The following TENM2 variants were observed in gnomAD, a reference collection of about 807,000 sequenced individuals.
The protein encoded by TENM2 is teneurin transmembrane protein 2.
TENM2 carries 52 observed loss-of-function variants against 245.2 expected under a neutral mutation model. The observed-to-expected ratio is 0.21, with a 90% CI of 0.17 to 0.27. The LOEUF is 0.27. Among genes scored for constraint, TENM2 ranks in the 10% least tolerant of loss-of-function variants. The pLI is 1.00. For synonymous variants in TENM2, 1,363 were observed against 1,438.9 expected (o/e 0.95, Z 1.19); for missense variants, 3,046 against 3,666.8 (o/e 0.83, Z 4.37).
At chr5:168,214,764 G>A in intron 20 of TENM2, 1 of 536,976 alleles carries the variant, frequency 1.9e-6, no homozygotes, top group South Asian at 1.5e-5. Flanking sequence ...CAGGATCGGA[G>A]TGGGAGCTCT....
At chr5:168,166,532 C>T (rs942566524) in intron 13 of TENM2, among the ~76,000 whole-genome samples, 5 of 152,038 alleles carry the variant, frequency 3.3e-5, no homozygotes, top group African/African-American at 4.8e-5. Flanking sequence ...CTTCAGCATG[C>T]AGCAAAACCA....
At chr5:167,074,551 A>T in the TENM2 span, among the ~76,000 whole-genome samples, 2 of 152,230 alleles carry the variant, frequency 1.3e-5, no homozygotes, top group Non-Finnish European at 2.9e-5. Flanking sequence ...AAATGAGATG[A>T]TGCAATAAAG....
At chr5:167,424,913 C>T (rs891295597) in intron 2 of TENM2, among the ~76,000 whole-genome samples, 3 of 152,178 alleles carry the variant, frequency 2.0e-5, no homozygotes, top group African/African-American at 7.2e-5. Context: ...TCATAATCTA[C>T]AGCAAAAATC....
intron 2 of TENM2, among the ~76,000 whole-genome samples, chr5:167,856,455 C>CTTG (rs1291133145): frequency 6.6e-6 from 1 of 152,152 alleles, no homozygotes; most frequent in African/African-American, 2.4e-5. Context: ...AAATATTACA[C>CTTG]TTGTTATAAT....
At chr5:167,574,773 C>T (rs1374415893) in intron 2 of TENM2, among the ~76,000 whole-genome samples, 1 of 152,052 alleles carries the variant, frequency 6.6e-6, no homozygotes, top group Non-Finnish European at 1.5e-5. Flanking sequence ...TTACCAGTCT[C>T]GAGTCGGAAC....
At chr5:167,481,700 A>T (rs1767768720) in intron 2 of TENM2, among the ~76,000 whole-genome samples, 1 of 152,208 alleles carries the variant, frequency 6.6e-6, no homozygotes, top group Non-Finnish European at 1.5e-5. Flanking sequence ...ACAGATGGAC[A>T]TTTACAATAA....
intron 2 of TENM2, among the ~76,000 whole-genome samples, chr5:167,434,586 A>G (rs115195526): frequency 0.026 from 3,999 of 152,178 alleles, 91 homozygotes; most frequent in Non-Finnish European, 0.043. Flanking sequence ...TTTTTATTCA[A>G]TTATGGAGCT....
the TENM2 span, among the ~76,000 whole-genome samples, chr5:167,034,479 A>T: frequency 6.6e-6 from 1 of 151,684 alleles, no homozygotes; most frequent in East Asian, 1.9e-4. Flanking sequence ...AAATACAAAA[A>T]ATTAGCCGGG....
At chr5:167,573,538 C>CTT (rs1331151266) in intron 2 of TENM2, among the ~76,000 whole-genome samples, 3 of 151,268 alleles carry the variant, frequency 2.0e-5, no homozygotes, top group Non-Finnish European at 4.4e-5. Flanking sequence ...CCCCCTCTCT[C>CTT]TCTCTGCTTC....
chr5:167,203,439 A>G, the TENM2 span, among the ~76,000 whole-genome samples: 1 of 152,136 alleles, frequency 6.6e-6, no homozygotes, highest in Admixed American at 6.5e-5. Context: ...AACTGACCCC[A>G]TGCTCCCCTT....
chr5:167,684,377 A>G (rs1033874956), intron 2 of TENM2, among the ~76,000 whole-genome samples: 10 of 152,218 alleles, frequency 6.6e-5, no homozygotes, highest in African/African-American at 2.4e-4. Context: ...TGCCTTCAGC[A>G]TGAAAAATGC....
At chr5:168,096,634 A>T (rs1793392867) in intron 8 of TENM2, among the ~76,000 whole-genome samples, 1 of 152,194 alleles carries the variant, frequency 6.6e-6, no homozygotes, top group South Asian at 2.1e-4. Flanking sequence ...GTGGGAGTAA[A>T]TGGGAAATCA....
Position 168,218,223 on chromosome 5 carries a change from C to T in TENM2, c.4332C>T (p.His1444=), listed in dbSNP as rs750231203. The T allele has an allele frequency of 6.2e-7, 1 of 1,613,940 alleles. No homozygotes were observed. The highest frequency in any genetic ancestry group is 1.3e-5 in the African/African-American group (1 of 75,022). ...TCATCCTTCGAATCACCGAGAACCA[C>T]CAAGTCAGCATCATTGCGGGACGCC... Residue 1444 remains histidine (H), a synonymous_variant, in exon 23 of 29, where the codon CAC becomes CAT. Transcript: ENST00000518659. This position sits in a 1 kb window ranked among gnomAD's most constrained non-coding sequence, Gnocchi z 5.2.
chr5:167,843,120 C>T (rs1007610679), intron 2 of TENM2, among the ~76,000 whole-genome samples: 14 of 152,156 alleles, frequency 9.2e-5, no homozygotes, highest in Admixed American at 8.5e-4. Flanking sequence ...GCCCAGTGCA[C>T]AGTAGACACT....
chr5:167,872,480 AAGAAAAAGAAAGAAAGAAAGAAAG>A (rs1772975103), intron 2 of TENM2, among the ~76,000 whole-genome samples: 1 of 111,020 alleles, frequency 9.0e-6, no homozygotes, highest in African/African-American at 3.4e-5. Flanking sequence ...GAAAGAAAGA[AAGAAAAAGAAAGAAAGAAAGAAAG>A]AAAGAAAGAA....
At chr5:168,181,236 G>T (rs1759858564) in intron 13 of TENM2, among the ~76,000 whole-genome samples, 1 of 152,178 alleles carries the variant, frequency 6.6e-6, no homozygotes, top group Non-Finnish European at 1.5e-5. Context: ...ATTTGTTTTT[G>T]GTTTTTGTCC....
In TENM2 at chr5:168,082,447, C is replaced by T. The variant is rs2617990; in HGVS notation, c.1516-8127C>T. Among the ~76,000 whole-genome samples the T allele has an allele frequency of 9.4e-3, 1,425 of 152,320 alleles. 29 individuals are homozygous for T. Among genetic ancestry groups the T allele is most frequent in the African/African-American group, 0.029 (1,223 of 41,570 alleles). ...GCCTTCTTCTCTCAACCCGTCAAAG[C>T]CATTCTCCGTCCAGCTTTGTTGCGT... is the stretch of plus-strand genomic sequence containing the variant. On this transcript the variant is annotated intron_variant, in intron 7 of 28. Transcript: ENST00000518659.
chr5:167,473,044 A>G (rs1405208807), intron 2 of TENM2, among the ~76,000 whole-genome samples: 5 of 152,272 alleles, frequency 3.3e-5, no homozygotes, highest in Non-Finnish European at 5.9e-5. Flanking sequence ...GAAACTGGAA[A>G]CTTTTTCAGT....
chr5:167,565,353 T>C (rs186259014), intron 2 of TENM2, among the ~76,000 whole-genome samples: 37 of 152,340 alleles, frequency 2.4e-4, no homozygotes, highest in African/African-American at 8.7e-4. Flanking sequence ...CACAGCACCC[T>C]GTCAATATCA....
Sources: allele counts gnomAD v4.1 joint callset (sites outside exome capture counted in the v4.1 genomes callset), GRCh38; gene constraint gnomAD v4.1.1; non-coding constraint Gnocchi (gnomAD v3.1); transcripts MANE v1.5; gene names NCBI Gene and HGNC (gene_info 2026-07-23, HGNC 2026-07-21).